ARFIP1: variants seen among roughly 807,000 people sequenced by gnomAD.
The protein encoded by ARFIP1 is ARF interacting protein 1.
ARFIP1 carries 24 observed loss-of-function variants against 42.5 expected under a neutral mutation model. That is an observed-to-expected ratio of 0.57 (90% CI 0.41 to 0.80). ARFIP1 has a LOEUF of 0.80. Among genes scored for constraint, ARFIP1 ranks in the 30% least tolerant of loss-of-function variants. The pLI is 0.00. For missense variants in ARFIP1, 354 were observed against 434.0 expected (o/e 0.82, Z 1.64); for synonymous variants, 141 against 153.7 (o/e 0.92, Z 0.61).
intron 1 of ARFIP1, among the ~76,000 whole-genome samples, chr4:152,793,342 AATATAT>A (rs78753575): frequency 6.8e-6 from 1 of 147,926 alleles, no homozygotes; most frequent in African/African-American, 2.5e-5. Flanking sequence ...ATATATATAT[AATATAT>A]ATATAATATT....
rs1475168975 is a variant in ARFIP1 at position 152,912,216 on chromosome 4, A to T, written c.*1997A>T. ...GGCACATGACCAAAAGAAAAAAGTA[A>T]ATCAATATATTTAGCCAATGGTACA... On this transcript the variant is annotated 3_prime_UTR_variant, in exon 9 of 9. Coordinates refer to ENST00000353617, the MANE Select transcript of ARFIP1 (RefSeq NM_001025595.3). 6.6e-6 allele frequency: 1 copy of T among 152,170 alleles called. No homozygotes were observed. Among genetic ancestry groups the T allele is most frequent in the Non-Finnish European group, 1.5e-5 (1 of 68,014 alleles). The allele number at this position is 152,170 out of a possible 1,614,324, so 9.4% of individuals were successfully genotyped here. A position where few individuals can be genotyped will look rare whatever the true frequency, so the allele number is the denominator to read the frequency against.
chr4:152,853,475 A>G (rs567627029), intron 2 of ARFIP1, among the ~76,000 whole-genome samples: 1 of 152,288 alleles, frequency 6.6e-6, no homozygotes, highest in African/African-American at 2.4e-5. Context: ...CTATACTTCA[A>G]ATATGTCATA....
chr4:152,889,457 G>T (rs1736537293), intron 8 of ARFIP1, among the ~76,000 whole-genome samples: 1 of 127,458 alleles, frequency 7.8e-6, no homozygotes, highest in African/African-American at 3.0e-5. Context: ...CAGCCTTCTG[G>T]TATTCATTAG....
intron 2 of ARFIP1, among the ~76,000 whole-genome samples, chr4:152,856,191 C>T (rs550915156): frequency 5.0e-4 from 76 of 152,256 alleles, no homozygotes; most frequent in African/African-American, 1.7e-3. Context: ...TTACTTAGCT[C>T]CCCTCCTCTC....
At chr4:152,781,974 A>C (rs183137512) in intron 1 of ARFIP1, among the ~76,000 whole-genome samples, 24 of 152,196 alleles carry the variant, frequency 1.6e-4, no homozygotes, top group African/African-American at 5.6e-4. Flanking sequence ...TTCTCAAAGG[A>C]GATATACAGC....
chr4:152,894,887 C>T (rs1737182079), intron 8 of ARFIP1, among the ~76,000 whole-genome samples: 4 of 152,286 alleles, frequency 2.6e-5, no homozygotes, highest in Middle Eastern at 6.8e-3. Context: ...ACACTAACAT[C>T]ACTTAATGTT....
intron 1 of ARFIP1, among the ~76,000 whole-genome samples, chr4:152,797,646 T>C (rs1173398237): frequency 6.6e-6 from 1 of 152,246 alleles, no homozygotes; most frequent in Admixed American, 6.5e-5. Flanking sequence ...AAATTTTCCT[T>C]GTGTAGTTTT....
chr4:152,884,611 C>T (rs912717587), intron 7 of ARFIP1, among the ~76,000 whole-genome samples: 20 of 152,080 alleles, frequency 1.3e-4, no homozygotes, highest in African/African-American at 4.6e-4. Context: ...CAATTGTCTA[C>T]CTATCCTGAA....
intron 1 of ARFIP1, chr4:152,810,043 A>G (rs1359123160): frequency 6.6e-6 from 1 of 152,244 alleles, no homozygotes; most frequent in East Asian, 1.9e-4. Flanking sequence ...TTTGTTTATG[A>G]ATATAATAGT....
At chr4:152,811,698 A>G (rs960658477) in intron 1 of ARFIP1, among the ~76,000 whole-genome samples, 1 of 152,200 alleles carries the variant, frequency 6.6e-6, no homozygotes, top group Non-Finnish European at 1.5e-5. Flanking sequence ...TTTTATTCCT[A>G]AAGGACATAA....
intron 2 of ARFIP1, among the ~76,000 whole-genome samples, chr4:152,832,131 C>G (rs1409352590): frequency 6.6e-6 from 1 of 152,072 alleles, no homozygotes; most frequent in Admixed American, 6.6e-5. Context: ...TTATTGAGTA[C>G]ATACCCAAGA....
chr4:152,888,402 G>A (rs1329823806), intron 8 of ARFIP1, 95 bp downstream of exon 8: 1 of 827,470 alleles, frequency 1.2e-6, no homozygotes, highest in East Asian at 2.9e-5. Flanking sequence ...TCTCTTGTAT[G>A]ACAATTGCAA....
At chr4:152,877,135 A>C (rs542489941) in intron 5 of ARFIP1, among the ~76,000 whole-genome samples, 4 of 152,176 alleles carry the variant, frequency 2.6e-5, no homozygotes, top group Admixed American at 2.0e-4. Context: ...GAAGAGGGCC[A>C]CCATCCTGCA....
At chr4:152,860,026 A>C (rs1578951227) in intron 2 of ARFIP1, among the ~76,000 whole-genome samples, 1 of 152,240 alleles carries the variant, frequency 6.6e-6, no homozygotes, top group East Asian at 1.9e-4. Context: ...ACATTCTTAG[A>C]TATAATGGTC....
intron 1 of ARFIP1, among the ~76,000 whole-genome samples, chr4:152,786,361 G>C (rs1220464910): frequency 6.6e-6 from 1 of 152,066 alleles, no homozygotes; most frequent in African/African-American, 2.4e-5. Context: ...GCACAACGTT[G>C]GTTCTTTCTT....
At chr4:152,867,801 C>G (rs1364074405) in intron 3 of ARFIP1, among the ~76,000 whole-genome samples, 3 of 152,238 alleles carry the variant, frequency 2.0e-5, no homozygotes, top group Middle Eastern at 6.8e-3. Flanking sequence ...ATATATGTCT[C>G]TCTGAACTGA....
At chr4:152,892,487 C>T (rs958035681) in intron 8 of ARFIP1, among the ~76,000 whole-genome samples, 3 of 152,124 alleles carry the variant, frequency 2.0e-5, no homozygotes, top group African/African-American at 7.2e-5. Flanking sequence ...AAAAGCCAGC[C>T]GTGTGACTAT....
At chr4:152,865,543 G>A (rs1171393526) in intron 3 of ARFIP1, among the ~76,000 whole-genome samples, 1 of 152,142 alleles carries the variant, frequency 6.6e-6, no homozygotes, top group Non-Finnish European at 1.5e-5. Context: ...AGACGTTTAG[G>A]ATAATCCAGT....
intron 1 of ARFIP1, among the ~76,000 whole-genome samples, chr4:152,808,316 T>C (rs1002064836): frequency 1.7e-4 from 22 of 130,976 alleles, no homozygotes; most frequent in Non-Finnish European, 2.8e-4. Context: ...TTTTTTTTTT[T>C]TGTAGCAGTA....
Sources: allele counts gnomAD v4.1 joint callset (sites outside exome capture counted in the v4.1 genomes callset), GRCh38; gene constraint gnomAD v4.1.1; transcripts MANE v1.5; gene names NCBI Gene and HGNC (gene_info 2026-07-23, HGNC 2026-07-21).